Variants in PTPRM observed in about 807,000 individuals in gnomAD.
PTPRM encodes the protein protein tyrosine phosphatase receptor type M, also known as receptor-type tyrosine-protein phosphatase mu.
PTPRM carries 47 observed loss-of-function variants against 186.7 expected under a neutral mutation model. That is an observed-to-expected ratio of 0.25 (90% CI 0.20 to 0.32). The LOEUF is 0.32. Ranked by LOEUF, PTPRM falls within the 10% of genes least tolerant of loss-of-function variation. PTPRM has a pLI of 1.00. For missense variants in PTPRM, 1,494 were observed against 1,865.0 expected (o/e 0.80, Z 3.66); for synonymous variants, 668 against 674.9 (o/e 0.99, Z 0.16).
intron 13 of PTPRM, among the ~76,000 whole-genome samples, chr18:8,139,698 C>T (rs773371348): frequency 2.0e-5 from 3 of 152,176 alleles, no homozygotes; most frequent in Non-Finnish European, 4.4e-5. Flanking sequence ...CACTCTCCCA[C>T]TCCCTTTCCT....
intron 14 of PTPRM, among the ~76,000 whole-genome samples, chr18:8,206,176 A>G (rs924347597): frequency 2.0e-5 from 3 of 152,210 alleles, no homozygotes; most frequent in African/African-American, 7.2e-5. Flanking sequence ...TAGTAGAAGC[A>G]GAGAGAAATG....
intron 1 of PTPRM, among the ~76,000 whole-genome samples, chr18:7,698,279 G>A (rs1019470399): frequency 6.6e-6 from 1 of 152,142 alleles, no homozygotes; most frequent in African/African-American, 2.4e-5. Flanking sequence ...TAGACACCCT[G>A]CTCTTAAATG....
chr18:8,117,336 A>T (rs2145759819), intron 13 of PTPRM, among the ~76,000 whole-genome samples: 1 of 152,304 alleles, frequency 6.6e-6, no homozygotes, highest in Non-Finnish European at 1.5e-5. Flanking sequence ...CAGATACAGA[A>T]TTGCTTTCCT....
intron 1 of PTPRM, among the ~76,000 whole-genome samples, chr18:7,723,204 C>T (rs535025327): frequency 2.6e-5 from 2 of 77,444 alleles, no homozygotes; most frequent in African/African-American, 1.4e-4. Context: ...CTCCTACAGG[C>T]TATTAACAGG....
chr18:7,705,123 CT>C, intron 1 of PTPRM, among the ~76,000 whole-genome samples: 1 of 152,060 alleles, frequency 6.6e-6, no homozygotes. Context: ...TGTACATTCA[CT>C]AGAAACAAAT....
At chr18:7,796,609 C>A (rs957569077) in intron 2 of PTPRM, among the ~76,000 whole-genome samples, 1 of 152,186 alleles carries the variant, frequency 6.6e-6, no homozygotes, top group South Asian at 2.1e-4. Context: ...AGGCCAAATG[C>A]CACAGTCCTC....
In PTPRM at chr18:7,814,371, T is replaced by C. The variant is rs906201299; in HGVS notation, c.196+40100T>C. On this transcript the variant is annotated intron_variant, in intron 2 of 32. Transcript: ENST00000580170. ...TGGCTTAGGGCTCAGGGTAAAATTA[T>C]AAAAAAGGAACAGATTACATCCCAC... The C allele has an allele frequency of 8.2e-4, 125 of 152,106 alleles. 1 individual carries two copies. The highest frequency in any genetic ancestry group is 8.2e-3 in the Admixed American group (125 of 15,276). The allele number at this position is 152,106 out of a possible 1,614,324, so 9.4% of individuals were successfully genotyped here.
At chr18:7,996,194 AT>A (rs201238145) in intron 7 of PTPRM, among the ~76,000 whole-genome samples, 5 of 151,846 alleles carry the variant, frequency 3.3e-5, no homozygotes, top group African/African-American at 1.2e-4. Flanking sequence ...AAAAAAAAAA[AT>A]AAATAAACAC....
At chr18:7,592,280 A>G (rs1168241659) in intron 1 of PTPRM, among the ~76,000 whole-genome samples, 1 of 152,246 alleles carries the variant, frequency 6.6e-6, no homozygotes, top group African/African-American at 2.4e-5. Flanking sequence ...CCATGTTTCT[A>G]CAGGCGACAT....
At chr18:7,718,170 A>G (rs1409427531) in intron 1 of PTPRM, among the ~76,000 whole-genome samples, 1 of 152,198 alleles carries the variant, frequency 6.6e-6, no homozygotes, top group African/African-American at 2.4e-5. Context: ...AAATTATACT[A>G]CAAGTCTCTA....
At chr18:7,931,342 T>TAA (rs138753960) in intron 5 of PTPRM, among the ~76,000 whole-genome samples, 14,007 of 152,222 alleles carry the variant, frequency 0.092, 680 homozygotes, top group Middle Eastern at 0.26. Flanking sequence ...TATATATATA[T>TAA]AACACTGAAA....
intron 14 of PTPRM, among the ~76,000 whole-genome samples, chr18:8,174,704 AT>A (rs1389799021): frequency 6.6e-6 from 1 of 152,106 alleles, no homozygotes; most frequent in Non-Finnish European, 1.5e-5. Flanking sequence ...TTTAAAAAAA[AT>A]CTTTGTCATA....
In PTPRM at chr18:8,370,989, A is replaced by G; in HGVS notation, c.3154A>G (p.Thr1052Ala). ...TELLAEYVIRTFAVEKRGVHE... is the reference protein window; with the variant it reads ...TELLAEYVIRAFAVEKRGVHE... ...ACTACTGGCAGAATATGTGATAAGA[A>G]CATTTGCTGTTGAAAAGGTAAGTTT... The change falls in exon 24 of 33, where the codon ACA becomes GCA. Residue 1052 changes from threonine (T) to alanine (A), a missense_variant. Thr to Ala is a moderately conservative substitution (Grantham distance 58). This residue lies in a region of PTPRM where 1,107 missense variants were observed against 1,350.2 expected (regional missense o/e 0.82). Transcript: ENST00000580170. 2 of 1,591,834 alleles carry G rather than the reference A, an allele frequency of 1.3e-6. No homozygotes were observed. Among genetic ancestry groups the G allele is most frequent in the South Asian group, 2.2e-5 (2 of 89,758 alleles).
At chr18:7,671,400 C>G (rs1568018994) in intron 1 of PTPRM, among the ~76,000 whole-genome samples, 2 of 152,172 alleles carry the variant, frequency 1.3e-5, no homozygotes, top group Non-Finnish European at 1.5e-5. Context: ...TGCCTCTCCC[C>G]CTTTTCTTCC....
In PTPRM at chr18:8,186,449, C is replaced by T. The variant is rs2093643829; in HGVS notation, c.2300+42670C>T. 2.6e-5 allele frequency among the ~76,000 whole-genome samples: 4 copies of T among 152,050 alleles called. No homozygotes were observed. In the South Asian group the frequency reaches 8.3e-4, roughly 32 times the overall value. On this transcript the variant is annotated intron_variant, in intron 14 of 32. Transcript: ENST00000580170. Reference sequence around the variant, plus strand: ...GTATGAGGGCTCTTTCCATGTTAACCAGGATATATTGATCTACCTCAACTT... The same window carrying T: ...GTATGAGGGCTCTTTCCATGTTAACTAGGATATATTGATCTACCTCAACTT...
At chr18:8,295,797 C>A (rs1327070988) in intron 19 of PTPRM, among the ~76,000 whole-genome samples, 11 of 152,102 alleles carry the variant, frequency 7.2e-5, no homozygotes, top group Non-Finnish European at 1.6e-4. Context: ...AGATTAAAGA[C>A]TCCAGGCATC....
intron 31 of PTPRM, among the ~76,000 whole-genome samples, chr18:8,390,394 G>A (rs997690636): frequency 3.3e-5 from 5 of 152,194 alleles, no homozygotes; most frequent in African/African-American, 1.2e-4. Context: ...CAGAACAATA[G>A]CCTTAAAAGA....
At chr18:7,876,517 T>C (rs533348119) in intron 2 of PTPRM, among the ~76,000 whole-genome samples, 5 of 152,186 alleles carry the variant, frequency 3.3e-5, no homozygotes, top group Admixed American at 3.3e-4. Flanking sequence ...ATGGTTCAGC[T>C]GATCTGAGCC....
Position 8,171,353 on chromosome 18 carries a change from A to G in PTPRM, c.2300+27574A>G, listed in dbSNP as rs146262576. Among the ~76,000 whole-genome samples, 66 of 152,328 alleles carry G rather than the reference A, an allele frequency of 4.3e-4. No homozygotes were observed. In the East Asian group the frequency reaches 0.01, roughly 24 times the overall value. On this transcript the variant is annotated intron_variant, in intron 14 of 32. Transcript: ENST00000580170. ...GCCTGCTAGGTAATTTACGTTGCTCAGGGACTGTAGTTTTTCAATAGATTG... is the reference window on the plus strand; with the variant it reads ...GCCTGCTAGGTAATTTACGTTGCTCGGGGACTGTAGTTTTTCAATAGATTG...
Sources: allele counts gnomAD v4.1 joint callset (sites outside exome capture counted in the v4.1 genomes callset), GRCh38; gene constraint gnomAD v4.1.1; regional missense constraint gnomAD v4.1.1; transcripts MANE v1.5; gene names NCBI Gene and HGNC (gene_info 2026-07-23, HGNC 2026-07-21).